Variants in EPM2A observed in about 807,000 individuals in gnomAD.
EPM2A encodes the protein laforin.
EPM2A carries 21 observed loss-of-function variants against 26.5 expected under a neutral mutation model. The observed-to-expected ratio is 0.79, with a 90% CI of 0.56 to 1.14. EPM2A has a LOEUF of 1.14. EPM2A is among the 50% of genes most tolerant of loss of function. EPM2A has a pLI of 0.00. For missense variants in EPM2A, 458 were observed against 440.8 expected (o/e 1.04, Z -0.35); for synonymous variants, 217 against 177.6 (o/e 1.22, Z -1.76).
intron 2 of EPM2A, among the ~76,000 whole-genome samples, chr6:145,505,672 T>A (rs754523068): frequency 6.6e-6 from 1 of 152,188 alleles, no homozygotes; most frequent in Non-Finnish European, 1.5e-5. Context: ...TATATCTGTA[T>A]CAAGCTAAAA....
chr6:145,449,180 G>T (rs891767070), intron 4 of EPM2A, among the ~76,000 whole-genome samples: 2 of 152,194 alleles, frequency 1.3e-5, no homozygotes, highest in Non-Finnish European at 2.9e-5. Context: ...GACATATTTA[G>T]ACACCCATTA....
At chr6:145,713,479 A>T (rs780162350) in intron 1 of EPM2A, among the ~76,000 whole-genome samples, 12 of 152,236 alleles carry the variant, frequency 7.9e-5, no homozygotes, top group Admixed American at 3.9e-4. Flanking sequence ...TAAAGCCAAT[A>T]AGTACCTGAA....
At chr6:145,444,145 A>G (rs1249836322) in intron 4 of EPM2A, among the ~76,000 whole-genome samples, 1 of 152,138 alleles carries the variant, frequency 6.6e-6, no homozygotes, top group Non-Finnish European at 1.5e-5. Context: ...GACTTCCAAT[A>G]TTATGCATGA....
At chr6:145,609,006 G>A (rs982428465) in intron 2 of EPM2A, among the ~76,000 whole-genome samples, 1 of 152,150 alleles carries the variant, frequency 6.6e-6, no homozygotes, top group Non-Finnish European at 1.5e-5. Flanking sequence ...TAATGTATTT[G>A]GCTAAGACAT....
intron 2 of EPM2A, among the ~76,000 whole-genome samples, chr6:145,683,683 G>A (rs1465145108): frequency 6.6e-6 from 1 of 152,018 alleles, no homozygotes; most frequent in Non-Finnish European, 1.5e-5. Flanking sequence ...CAGAGTGAGA[G>A]GTGTACCCCA....
At chr6:145,431,750 A>G (rs371317649) in intron 4 of EPM2A, among the ~76,000 whole-genome samples, 3 of 152,268 alleles carry the variant, frequency 2.0e-5, no homozygotes, top group East Asian at 1.9e-4. Context: ...TAAGACAACA[A>G]TGAAGTTAGC....
At chr6:145,509,856 A>T (rs1780029803) in intron 2 of EPM2A, among the ~76,000 whole-genome samples, 1 of 152,210 alleles carries the variant, frequency 6.6e-6, no homozygotes, top group African/African-American at 2.4e-5. Flanking sequence ...ACATGTAATG[A>T]AACCCATAGG....
At chr6:145,582,866 C>A (rs895266449) in intron 2 of EPM2A, among the ~76,000 whole-genome samples, 3 of 152,050 alleles carry the variant, frequency 2.0e-5, no homozygotes, top group African/African-American at 7.2e-5. Context: ...TATTATTTTT[C>A]TTTATTTGTG....
chr6:145,397,085 A>G (rs1207609269), intron 4 of EPM2A, among the ~76,000 whole-genome samples: 6 of 152,136 alleles, frequency 3.9e-5, no homozygotes, highest in Non-Finnish European at 5.9e-5. Context: ...TTCTGCTGGT[A>G]TTACTGATTT....
chr6:145,520,524 C>G (rs996298003), intron 2 of EPM2A, among the ~76,000 whole-genome samples: 5 of 152,178 alleles, frequency 3.3e-5, no homozygotes, highest in African/African-American at 1.2e-4. Flanking sequence ...GTAGATAAGG[C>G]TTATATGCTT....
Position 145,627,364 on chromosome 6 carries a change from TCA to T in EPM2A, c.*50_*51del. The T allele has an allele frequency of 6.2e-7, 1 of 1,611,212 alleles. No homozygotes were observed. Among genetic ancestry groups the T allele is most frequent in the Non-Finnish European group, 8.5e-7 (1 of 1,180,014 alleles). ...TTGTTTCTAGGTCATTTGACCAACATCATCCCAGGCTCCTTAGGGAAATCAGG... is the reference window on the plus strand; with the variant it reads ...TTGTTTCTAGGTCATTTGACCAACATTCCCAGGCTCCTTAGGGAAATCAGG... On this transcript the variant is annotated 3_prime_UTR_variant, in exon 4 of 4. Transcript: ENST00000367519.
In EPM2A at chr6:145,438,607, G is replaced by A. The variant is rs566029422; in HGVS notation, c.556-54510C>T. Among the ~76,000 whole-genome samples the A allele has an allele frequency of 1.5e-4, 23 of 151,298 alleles. No homozygotes were observed. The East Asian group carries it at 2.6e-3, about 17-fold the overall frequency. On this transcript the variant is annotated intron_variant, in intron 4 of 4. Coordinates refer to the EPM2A transcript ENST00000638717. ...TCCTGCCTCAGCCTCCTGAGTAGCC[G>A]GGATTACAGGCACACGCCACCACAC... is the stretch of plus-strand genomic sequence containing the variant.
chr6:145,552,323 A>T (rs186787566), intron 2 of EPM2A, among the ~76,000 whole-genome samples: 3 of 152,140 alleles, frequency 2.0e-5, no homozygotes, highest in Admixed American at 2.0e-4. Context: ...CAAAATGACA[A>T]AGAAGAAACA....
intron 2 of EPM2A, among the ~76,000 whole-genome samples, chr6:145,683,957 T>A (rs768006117): frequency 1.3e-5 from 2 of 151,762 alleles, no homozygotes; most frequent in Non-Finnish European, 2.9e-5. Flanking sequence ...AAAAGAAAGA[T>A]CAAAATGAAT....
intron 2 of EPM2A, among the ~76,000 whole-genome samples, chr6:145,545,380 C>T (rs562412615): frequency 5.3e-5 from 8 of 152,234 alleles, no homozygotes; most frequent in South Asian, 2.1e-4. Context: ...CTAAAGCCTC[C>T]GCTCATGTCA....
At chr6:145,690,462 A>G (rs1195536493) in intron 1 of EPM2A, among the ~76,000 whole-genome samples, 1 of 144,504 alleles carries the variant, frequency 6.9e-6, no homozygotes, top group Non-Finnish European at 1.5e-5. Context: ...GTGAGCCGAG[A>G]TTGCGCCACT....
In EPM2A at chr6:145,546,850, C is replaced by T. The variant is rs553961764; in HGVS notation, c.341-44275G>A. 2.6e-5 allele frequency among the ~76,000 whole-genome samples: 4 copies of T among 152,200 alleles called. No homozygotes were observed. In the South Asian group the frequency reaches 8.3e-4, roughly 32 times the overall value. On this transcript the variant is annotated intron_variant, in intron 2 of 3. Transcript: ENST00000450221. ...CCCTCCTCATTTTACCCCTTCAATA[C>T]TTCTTTGTATACTAAAACAGAAGAG...
chr6:145,501,745 C>T, exon 4 of EPM2A: 1 of 469,678 alleles, frequency 2.1e-6, no homozygotes. Flanking sequence ...TGAGCTTGCA[C>T]CAGTCGTCAC....
At chr6:145,531,767 G>A (rs1158730114) in intron 2 of EPM2A, among the ~76,000 whole-genome samples, 9 of 152,156 alleles carry the variant, frequency 5.9e-5, no homozygotes, top group African/African-American at 2.2e-4. Context: ...TTATGCTGAA[G>A]AAGACAAGTC....
Sources: allele counts gnomAD v4.1 joint callset (sites outside exome capture counted in the v4.1 genomes callset), GRCh38; gene constraint gnomAD v4.1.1; transcripts MANE v1.5; gene names NCBI Gene and HGNC (gene_info 2026-07-23, HGNC 2026-07-21).